Variants in MEGF10 observed in about 807,000 individuals in gnomAD.
The protein encoded by MEGF10 is multiple epidermal growth factor-like domains protein 10.
A neutral mutation model predicts 147.5 loss-of-function variants in MEGF10; 86 were observed. The ratio of observed to expected loss-of-function variants is 0.58; its 90% confidence interval spans 0.49 to 0.70. MEGF10 has a LOEUF of 0.70. Among genes scored for constraint, MEGF10 ranks in the 30% least tolerant of loss-of-function variants. The probability of loss-of-function intolerance (pLI) is 0.00; values close to 1 mark genes in which losing one functional copy is unlikely to be tolerated. For synonymous variants in MEGF10, 478 were observed against 525.5 expected (o/e 0.91, Z 1.24); for missense variants, 1,329 against 1,487.3 (o/e 0.89, Z 1.75).
the MEGF10 span, among the ~76,000 whole-genome samples, chr5:127,284,049 G>A: frequency 1.3e-5 from 2 of 152,138 alleles, no homozygotes; most frequent in Admixed American, 1.3e-4. Flanking sequence ...CTGATACAGG[G>A]TCCAAGGCTG....
intron 1 of MEGF10, among the ~76,000 whole-genome samples, chr5:127,311,908 A>G (rs1429462553): frequency 1.3e-5 from 2 of 152,152 alleles, no homozygotes; most frequent in African/African-American, 4.8e-5. Context: ...CAGGGCCTCA[A>G]TCATCTGAGG....
chr5:127,397,383 G>A (rs1763959270), intron 6 of MEGF10, among the ~76,000 whole-genome samples: 1 of 152,116 alleles, frequency 6.6e-6, no homozygotes, highest in African/African-American at 2.4e-5. Context: ...AATTCTTTCT[G>A]AGGAACATTC....
At chr5:127,447,478 G>GT in intron 20 of MEGF10, 79 bp from the exon 21 acceptor site, 1 of 1,595,336 alleles carries the variant, frequency 6.3e-7, no homozygotes, top group Non-Finnish European at 8.6e-7. Flanking sequence ...CGCTGGGCCT[G>GT]TTTTGTTATT....
the MEGF10 span, among the ~76,000 whole-genome samples, chr5:127,270,321 C>T: frequency 6.6e-6 from 1 of 152,166 alleles, no homozygotes; most frequent in Non-Finnish European, 1.5e-5. Flanking sequence ...CATCAGTGTG[C>T]TGTATTCAGG....
intron 6 of MEGF10, 142 bp downstream of exon 6, chr5:127,396,920 T>C (rs1763938688): frequency 7.9e-7 from 1 of 1,258,756 alleles, no homozygotes; most frequent in Non-Finnish European, 1.1e-6. Flanking sequence ...GGCACAGTTA[T>C]AGAGGTCAGC....
chr5:127,460,822 T>C lies in MEGF10; in HGVS notation c.*3504T>C, dbSNP rs1038859929. On this transcript the variant is annotated 3_prime_UTR_variant, in exon 25 of 25. Transcript: ENST00000503335. ...ATTCAAGCTGAATGTTTAAGAGAGATTTTGGTCTTAAAGGCTTCACATCAT... is the reference window on the plus strand; with the variant it reads ...ATTCAAGCTGAATGTTTAAGAGAGACTTTGGTCTTAAAGGCTTCACATCAT... 4 of 114,394 alleles carry C rather than the reference T, an allele frequency of 3.5e-5. No individual in the cohort carries two copies. Among genetic ancestry groups the C allele is most frequent in the African/African-American group, 1.1e-4 (4 of 36,478 alleles). The allele number at this position is 114,394 out of a possible 1,614,324, so 7.1% of individuals were successfully genotyped here.
the MEGF10 span, among the ~76,000 whole-genome samples, chr5:127,276,484 T>G: frequency 1.3e-5 from 2 of 152,216 alleles, no homozygotes; most frequent in Admixed American, 6.5e-5. Flanking sequence ...CTGCTTCAAC[T>G]GAGAGCTGTG....
chr5:127,321,221 C>T (rs1425212994), intron 1 of MEGF10, among the ~76,000 whole-genome samples: 1 of 152,138 alleles, frequency 6.6e-6, no homozygotes, highest in Non-Finnish European at 1.5e-5. Flanking sequence ...ATTATTTTAT[C>T]CATAAAATGA....
chr5:127,273,298 C>T, the MEGF10 span, among the ~76,000 whole-genome samples: 1 of 152,168 alleles, frequency 6.6e-6, no homozygotes, highest in African/African-American at 2.4e-5. Context: ...GTGGGGGTTC[C>T]CTTGGCTCAA....
intron 4 of MEGF10, among the ~76,000 whole-genome samples, chr5:127,362,398 C>A (rs1046827579): frequency 7.1e-6 from 1 of 141,600 alleles, no homozygotes; most frequent in African/African-American, 2.6e-5. Flanking sequence ...GAGACGGAGT[C>A]TTGCTCTGTC....
intron 1 of MEGF10, among the ~76,000 whole-genome samples, chr5:127,292,206 T>C (rs1166226091): frequency 6.6e-6 from 1 of 152,162 alleles, no homozygotes; most frequent in Non-Finnish European, 1.5e-5. Context: ...GTTGGTAAAC[T>C]CTGGGCACCC....
At chr5:127,340,495 A>G (rs373033451) in intron 3 of MEGF10, 35 bp from the exon 4 acceptor site, 6 of 1,558,072 alleles carry the variant, frequency 3.9e-6, no homozygotes, top group Admixed American at 1.7e-5. Context: ...TCAGACTTTT[A>G]TTATGTTTAA....
At chr5:127,348,858 C>A (rs1202399917) in intron 4 of MEGF10, among the ~76,000 whole-genome samples, 2 of 152,038 alleles carry the variant, frequency 1.3e-5, no homozygotes, top group Non-Finnish European at 2.9e-5. Context: ...GCTGACAAAC[C>A]TTCCCATATA....
At chr5:127,432,309 G>T (rs1225698077) in intron 13 of MEGF10, among the ~76,000 whole-genome samples, 1 of 152,196 alleles carries the variant, frequency 6.6e-6, no homozygotes, top group African/African-American at 2.4e-5. Flanking sequence ...TCCATGTTAA[G>T]GTTCAGACTG....
intron 4 of MEGF10, among the ~76,000 whole-genome samples, chr5:127,351,163 A>G (rs1762073820): frequency 6.6e-6 from 1 of 152,190 alleles, no homozygotes; most frequent in African/African-American, 2.4e-5. Context: ...TTTTTGTTGT[A>G]TATATTTTTT....
chr5:127,369,204 G>A (rs1208774015), intron 4 of MEGF10, among the ~76,000 whole-genome samples: 1 of 152,160 alleles, frequency 6.6e-6, no homozygotes, highest in Non-Finnish European at 1.5e-5. Flanking sequence ...TGATGATAAT[G>A]ATTTGGCACA....
the MEGF10 span, among the ~76,000 whole-genome samples, chr5:127,253,263 A>C: frequency 6.6e-6 from 1 of 152,010 alleles, no homozygotes; most frequent in Non-Finnish European, 1.5e-5. Context: ...GCAAATACAA[A>C]TATGATAAAG....
At chr5:127,391,536 C>T (rs1189396813) in intron 5 of MEGF10, among the ~76,000 whole-genome samples, 2 of 150,550 alleles carry the variant, frequency 1.3e-5, no homozygotes, top group Non-Finnish European at 2.9e-5. Flanking sequence ...CACCACTGCA[C>T]TCCAGCCTGG....
At chr5:127,443,341 C>T (rs529904413) in intron 19 of MEGF10, among the ~76,000 whole-genome samples, 1 of 152,308 alleles carries the variant, frequency 6.6e-6, no homozygotes, top group South Asian at 2.1e-4. Context: ...GTAATTTTCC[C>T]AAAGTCACAT....
Sources: gnomAD v4.1 joint callset for allele counts (sites outside exome capture counted in the v4.1 genomes callset) on GRCh38, gnomAD v4.1.1 for gene constraint, MANE v1.5 for transcripts, NCBI Gene and HGNC (gene_info 2026-07-23, HGNC 2026-07-21) for gene names.